Variants in SPEG observed in about 807,000 individuals in gnomAD.
The protein encoded by SPEG is striated muscle preferentially expressed protein kinase.
A neutral mutation model predicts 300.4 loss-of-function variants in SPEG; 114 were observed. That is an observed-to-expected ratio of 0.38 (90% CI 0.33 to 0.44). SPEG has a LOEUF of 0.44. Among genes scored for constraint, SPEG ranks in the 20% least tolerant of loss-of-function variants. The pLI, the probability that SPEG is intolerant of heterozygous loss-of-function variation, is 1.00. For missense variants in SPEG, 4,201 were observed against 4,586.2 expected (o/e 0.92, Z 2.43); for synonymous variants, 1,964 against 2,018.9 (o/e 0.97, Z 0.73).
In SPEG at chr2:219,489,595, G is replaced by A. The variant is rs1290708602; in HGVS notation, c.8577G>A (p.Glu2859=). Residue 2859 remains glutamate (E), a synonymous_variant, in exon 36 of 41, where the codon GAG becomes GAA. Coordinates refer to ENST00000312358, the MANE Select transcript of SPEG (RefSeq NM_005876.5). ...GCCTGCAGGCTGCCCGGCCAGCGGAGCCCACCCTACCCAGTACCCACGTCA... is the reference window on the plus strand; with the variant it reads ...GCCTGCAGGCTGCCCGGCCAGCGGAACCCACCCTACCCAGTACCCACGTCA... ...HRGLQAARPA[E]PTLPSTHVTP... 5.0e-6 allele frequency: 8 copies of A among 1,613,678 alleles called. No individual in the cohort carries two copies. The highest frequency in any genetic ancestry group is 2.7e-5 in the African/African-American group (2 of 75,010).
chr2:219,472,912 A>G lies in SPEG; in HGVS notation c.3963A>G (p.Thr1321=), dbSNP rs370107926. 6.2e-7 allele frequency: 1 copy of G among 1,605,398 alleles called. No individual in the cohort carries two copies. The highest frequency in any genetic ancestry group is 8.5e-7 in the Non-Finnish European group (1 of 1,174,146). Residue 1321 remains threonine, a synonymous_variant, in exon 16 of 41, where the codon ACA becomes ACG. Coordinates refer to ENST00000312358, the MANE Select transcript of SPEG (RefSeq NM_005876.5). ...CAGACCCGGACTCCCTGACGTACAC[A>G]GTGCAGCACCAGGTGCTGGGCTCGG... is the stretch of plus-strand genomic sequence containing the variant. ...MAIDPDSLTY[T]VQHQVLGSDQ...
rs2125248385 is a variant in SPEG, at chr2:219,444,990, C to A, written c.644C>A (p.Ala215Glu). 6.2e-7 allele frequency: 1 copy of A among 1,610,904 alleles called. No individual in the cohort carries two copies. Among genetic ancestry groups the A allele is most frequent in the East Asian group, 2.2e-5 (1 of 44,842 alleles). Residue 215 changes from alanine to glutamate, a missense_variant, in exon 3 of 41, where the codon GCA becomes GAA. Physicochemically the swap from Ala to Glu is moderately radical, Grantham distance 107. This residue lies in a region of SPEG where 1,258 missense variants were observed against 1,293.9 expected (regional missense o/e 0.97). Transcript: ENST00000312358. This position sits in a 1 kb window ranked among gnomAD's most constrained non-coding sequence, Gnocchi z 7.8. ...CGCCTCCCGGGCAGCCCAAGGCAAG[C>A]ACAGGCAACCGGGGCCGGGCCACGG... ...TRRLPGSPRQ[A>E]QATGAGPRHL...
rs747927707 is a variant in SPEG, at chr2:219,489,329, CTCTT to C, written c.8318-6_8318-3del. On this transcript the variant is annotated splice_region_variant and splice_polypyrimidine_tract_variant and intron_variant, in intron 35 of 40. Coordinates refer to ENST00000312358, the MANE Select transcript of SPEG (RefSeq NM_005876.5). ...GCACCACGGTGATGATTTTCTCTCT[CTCTT>C]AGATTCTTCAGCTGTGCCATCTGCT... 1 of 1,613,672 alleles carries C rather than the reference CTCTT, an allele frequency of 6.2e-7. No homozygotes were observed. Among genetic ancestry groups the C allele is most frequent in the Non-Finnish European group, 8.5e-7 (1 of 1,179,880 alleles).
chr2:219,460,005 G>A (rs913743098), intron 6 of SPEG, among the ~76,000 whole-genome samples: 1 of 152,242 alleles, frequency 6.6e-6, no homozygotes, highest in Non-Finnish European at 1.5e-5. Flanking sequence ...CTCAGGTTCT[G>A]TGTCCAAACC....
At chr2:219,488,339 G>T (rs1410730686) in intron 32 of SPEG, 29 bp downstream of exon 32, 7 of 1,572,690 alleles carry the variant, frequency 4.5e-6, no homozygotes, top group Non-Finnish European at 6.1e-6. Flanking sequence ...CCACAGAGAG[G>T]GAGGCCAGCA....
chr2:219,484,392 C>T lies in SPEG; in HGVS notation c.6929C>T (p.Pro2310Leu), dbSNP rs1366374301. 2 of 1,609,022 alleles carry T rather than the reference C, an allele frequency of 1.2e-6. No individual in the cohort carries two copies. Among genetic ancestry groups the T allele is most frequent in the Non-Finnish European group, 1.7e-6 (2 of 1,179,382 alleles). ...PPVLAEKARV[P>L]TVPPRPGSSL... ...GTGCTAGCCGAGAAAGCCCGAGTTC[C>T]CACGGTGCCCCCCAGGCCAGGCAGC... Residue 2310 changes from proline (P) to leucine (L), a missense_variant, in exon 30 of 41, where the codon CCC becomes CTC. This residue lies in a region of SPEG where 1,578 missense variants were observed against 1,506.0 expected (regional missense o/e 1.05). Transcript: ENST00000312358.
In SPEG at chr2:219,493,291, C is replaced by T. The variant is rs941003658; in HGVS notation, c.*505C>T. ...TGGGACATGAGAGAAGGCAGCGAGG[C>T]GGCAGAGGGAGAAGAGAGGACTCAG... On this transcript the variant is annotated 3_prime_UTR_variant, in exon 41 of 41. Transcript: ENST00000312358. 7.0e-5 allele frequency: 25 copies of T among 354,924 alleles called. 1 individual carries two copies. The highest frequency in any genetic ancestry group is 1.3e-4 in the South Asian group (6 of 47,352). 22.0% of individuals were successfully genotyped at this position (354,924 alleles called of 1,614,324 possible).
intron 28 of SPEG, chr2:219,482,140 G>C: frequency 4.7e-6 from 1 of 212,536 alleles, no homozygotes; most frequent in East Asian, 1.1e-4. Context: ...CAGTGCCTCA[G>C]GGCACAGTGC....
In SPEG at chr2:219,472,978, G is replaced by T. The variant is rs370418050; in HGVS notation, c.4029G>T (p.Gly1343=). ...TGGTCACAGGCCTGCGGGAGCCAGG[G>T]TGGGCAGCCACAGGGCTGCGTAAGG... ...TALVTGLREP[G]WAATGLRKGV... Residue 1343 remains glycine, a synonymous_variant, in exon 16 of 41, where the codon GGG becomes GGT. Transcript: ENST00000312358. 1.9e-6 allele frequency: 3 copies of T among 1,613,872 alleles called. No individual in the cohort carries two copies. Among genetic ancestry groups the T allele is most frequent in the East Asian group, 2.2e-5 (1 of 44,878 alleles).
chr2:219,452,252 G>A (rs1689821887), intron 6 of SPEG, among the ~76,000 whole-genome samples: 1 of 152,166 alleles, frequency 6.6e-6, no homozygotes, highest in East Asian at 1.9e-4. Flanking sequence ...AGATGCTTTC[G>A]AGTGCCACAA....
Position 219,492,171 on chromosome 2 carries a change from G to T in SPEG, c.9522G>T (p.Val3174=). Residue 3174 remains valine (V), a synonymous_variant, in exon 40 of 41, where the codon GTG becomes GTT. Transcript: ENST00000312358. ...CCCAGGAAACGGAGGCTCGGATTGT[G>T]GGGGGCCGCTTTGATGCCTTCCAGC... ...PDPQETEARI[V]GGRFDAFQLY... is the part of the protein sequence containing the mutation. The T allele has an allele frequency of 6.2e-7, 1 of 1,613,686 alleles. No homozygotes were observed. The highest frequency in any genetic ancestry group is 8.5e-7 in the Non-Finnish European group (1 of 1,179,870).
intron 6 of SPEG, 114 bp from the exon 7 acceptor site, chr2:219,461,768 G>C: frequency 8.6e-7 from 1 of 1,168,526 alleles, no homozygotes; most frequent in East Asian, 2.4e-5. Context: ...AGTCAGGGCA[G>C]GGCCGGCCTG....
chr2:219,456,602 A>T (rs1467506192), intron 6 of SPEG, among the ~76,000 whole-genome samples: 1 of 152,218 alleles, frequency 6.6e-6, no homozygotes, highest in African/African-American at 2.4e-5. Flanking sequence ...GCAAACTAAC[A>T]TAGTCATATA....
In SPEG at chr2:219,448,578, G is replaced by T. The variant is rs1164221965; in HGVS notation, c.1420G>T (p.Ala474Ser). Residue 474 changes from alanine to serine, a missense_variant, in exon 4 of 41, where the codon GCG (alanine) becomes TCG (serine). Physicochemically the swap from Ala to Ser is moderately conservative, Grantham distance 99 (BLOSUM62 1). Transcript: ENST00000312358. The part of the protein sequence containing the change: ...AERRRLFQQK[A>S]ASLDERTRQR... ...GCGGCGCCGCCTGTTCCAGCAGAAAGCGGCCTCGCTGGACGAGCGCACGCG... is the reference window on the plus strand; with the variant it reads ...GCGGCGCCGCCTGTTCCAGCAGAAATCGGCCTCGCTGGACGAGCGCACGCG... 6.9e-7 allele frequency: 1 copy of T among 1,453,544 alleles called. No individual in the cohort carries two copies. Among genetic ancestry groups the T allele is most frequent in the Admixed American group, 2.6e-5 (1 of 38,164 alleles). 90.0% of individuals were successfully genotyped at this position (1,453,544 alleles called of 1,614,324 possible).
rs1000426254 is a variant in SPEG, at chr2:219,451,431, C to T, written c.2257+152C>T. On this transcript the variant is annotated intron_variant, in intron 5 of 40. Coordinates refer to ENST00000312358, the MANE Select transcript of SPEG (RefSeq NM_005876.5). This position sits in a 1 kb window ranked among gnomAD's most constrained non-coding sequence, Gnocchi z 6.4. ...GGCTGCCCTGACTTGGGTGTGTGTTCAGGGACATTTCTCAGGACCCCCGAG... is the reference window on the plus strand; with the variant it reads ...GGCTGCCCTGACTTGGGTGTGTGTTTAGGGACATTTCTCAGGACCCCCGAG... 12 of 1,229,692 alleles carry T rather than the reference C, an allele frequency of 9.8e-6. No individual in the cohort carries two copies. Among genetic ancestry groups the T allele is most frequent in the Admixed American group, 9.0e-5 (3 of 33,516 alleles). The allele number at this position is 1,229,692 out of a possible 1,614,324, so 76.2% of individuals were successfully genotyped here.
In SPEG at chr2:219,448,561, G is replaced by T. The variant is rs778507387; in HGVS notation, c.1403G>T (p.Arg468Leu). ...RAPGSVAERR[R>L]LFQQKAASLD... The stretch of plus-strand genomic sequence containing the variant: ...CCAGGCAGCGTGGCCGAGCGGCGCC[G>T]CCTGTTCCAGCAGAAAGCGGCCTCG... The change falls in exon 4 of 41, where the codon CGC becomes CTC. Residue 468 changes from arginine to leucine, a missense_variant. Physicochemically the swap from Arg to Leu is moderately radical, Grantham distance 102. Around this residue, in one of 4 missense-constraint regions of SPEG, gnomAD observed 1,258 missense variants for 1,293.9 expected, o/e 0.97. Transcript: ENST00000312358. 21 of 1,448,426 alleles carry T rather than the reference G, an allele frequency of 1.4e-5. No homozygotes were observed. Among genetic ancestry groups the T allele is most frequent in the Non-Finnish European group, 1.8e-5 (20 of 1,108,926 alleles). The allele number at this position is 1,448,426 out of a possible 1,614,324, so 89.7% of individuals were successfully genotyped here.
chr2:219,476,317 T>C (rs1445071865), intron 18 of SPEG, among the ~76,000 whole-genome samples: 2 of 152,178 alleles, frequency 1.3e-5, no homozygotes, highest in African/African-American at 2.4e-5. Flanking sequence ...GTGAAAAAAC[T>C]TCAAGGTAGA....
chr2:219,490,029 G>T, intron 36 of SPEG, 90 bp downstream of exon 36: 1 of 1,454,956 alleles, frequency 6.9e-7, no homozygotes, highest in Non-Finnish European at 9.2e-7. Flanking sequence ...AGACTGTCCT[G>T]GCTGGGGTGG....
At chr2:219,438,110 T>C (rs562090166) in intron 1 of SPEG, among the ~76,000 whole-genome samples, 1 of 151,834 alleles carries the variant, frequency 6.6e-6, no homozygotes, top group African/African-American at 2.4e-5. Context: ...CCTGGAAAAT[T>C]TGGAGGATGG....
Sources: gnomAD v4.1 joint callset for allele counts (sites outside exome capture counted in the v4.1 genomes callset) on GRCh38, gnomAD v4.1.1 for gene constraint, gnomAD v4.1.1 regional missense constraint, Gnocchi (gnomAD v3.1) non-coding constraint, MANE v1.5 for transcripts, NCBI Gene and HGNC (gene_info 2026-07-23, HGNC 2026-07-21) for gene names.